Variants in PDE4A observed in about 807,000 individuals in gnomAD.
The protein encoded by PDE4A is phosphodiesterase 4A.
In PDE4A, 21 loss-of-function variants were observed where a neutral mutation model predicts 73.9. That is an observed-to-expected ratio of 0.28 (90% CI 0.20 to 0.41). PDE4A has a LOEUF of 0.41. PDE4A is among the 10% of genes least tolerant of loss of function. The pLI is 1.00. For synonymous variants in PDE4A, 463 were observed against 505.4 expected, an observed-to-expected ratio of 0.92 and a Z score of 1.13; for missense variants, 958 against 1,211.4, an observed-to-expected ratio of 0.79 and a Z score of 3.10.
At position 10,446,618 on chromosome 19, in the gene PDE4A, G is replaced by A. The variant is rs370817975; in HGVS notation, c.512+209G>A. Among the ~76,000 whole-genome samples the A allele has an allele frequency of 7.3e-5, 11 of 149,970 alleles. No individual in the cohort carries two copies. The East Asian group carries it at 7.8e-4, about 11-fold the overall frequency. On this transcript the variant is annotated intron_variant, in intron 2 of 14. Transcript: ENST00000380702. ...TTTTTCTTTTTTTCTTTTTTGAGAC[G>A]GAGTCTCGCTCTGTCGTCCAGGCTG...
At chr19:10,446,070 T>C (rs2042998928) in intron 1 of PDE4A, 148 bp from the exon 2 acceptor site, 3 of 1,249,782 alleles carry the variant, frequency 2.4e-6, no homozygotes, top group Non-Finnish European at 3.2e-6. Flanking sequence ...ACTCCTGACC[T>C]CAAGTGATTC....
At chr19:10,428,421 C>A (rs576449312) in intron 1 of PDE4A, among the ~76,000 whole-genome samples, 29 of 148,944 alleles carry the variant, frequency 1.9e-4, no homozygotes, top group Admixed American at 6.0e-4. Flanking sequence ...AGAGAGAGAT[C>A]ATAGCTAGAG....
chr19:10,436,905 G>A (rs564112770), intron 1 of PDE4A, among the ~76,000 whole-genome samples: 36 of 152,178 alleles, frequency 2.4e-4, no homozygotes, highest in African/African-American at 8.7e-4. Flanking sequence ...CAGGTGTAGT[G>A]GCGCACACCT....
chr19:10,459,529 T>A (rs1197178459), intron 9 of PDE4A, 31 bp downstream of exon 9: 1 of 1,611,458 alleles, frequency 6.2e-7, no homozygotes. Context: ...TGGGCCCGGG[T>A]GAGGGGCTCA....
chr19:10,450,763 G>A (rs1476092193), intron 5 of PDE4A, 66 bp from the exon 6 acceptor site: 1 of 1,578,374 alleles, frequency 6.3e-7, no homozygotes, highest in Non-Finnish European at 8.6e-7. Context: ...CGTCACGGCG[G>A]TCTGGAGCCT....
chr19:10,430,145 G>A (rs1385838119), intron 1 of PDE4A, among the ~76,000 whole-genome samples: 1 of 151,986 alleles, frequency 6.6e-6, no homozygotes, highest in African/African-American at 2.4e-5. Flanking sequence ...ACTGTGGTGG[G>A]GGTTCTGGGA....
At position 10,442,585 on chromosome 19, in the gene PDE4A, T is replaced by C. The variant is rs143943526; in HGVS notation, c.321-3633T>C. ...GACACGCTTTAGGCATAGCGTTTCA[T>C]GTCTGTAATCCCAGCACTGTGGGAG... On this transcript the variant is annotated intron_variant, in intron 1 of 14. Coordinates refer to ENST00000380702, the MANE Select transcript of PDE4A (RefSeq NM_001111307.2). 9.6e-3 allele frequency among the ~76,000 whole-genome samples: 1,459 copies of C among 151,992 alleles called. 24 individuals carry two copies. The highest frequency in any genetic ancestry group is 0.033 in the African/African-American group (1,374 of 41,488).
At chr19:10,462,620 C>A (rs1223567087) in intron 13 of PDE4A, among the ~76,000 whole-genome samples, 2 of 152,120 alleles carry the variant, frequency 1.3e-5, no homozygotes, top group Non-Finnish European at 2.9e-5. Flanking sequence ...CCACACCTGA[C>A]CTCTTTCTGT....
At chr19:10,432,078 A>AG (rs1280616767) in intron 1 of PDE4A, among the ~76,000 whole-genome samples, 1 of 132,542 alleles carries the variant, frequency 7.5e-6, no homozygotes, top group African/African-American at 2.9e-5. Flanking sequence ...CAGGGCGGGG[A>AG]GGGGGGAAAG....
Position 10,459,676 on chromosome 19 carries a change from G to T in PDE4A, c.1282G>T (p.Ala428Ser). 1 of 1,614,168 alleles carries T rather than the reference G, an allele frequency of 6.2e-7. No homozygotes were observed. The highest frequency in any genetic ancestry group is 8.5e-7 in the Non-Finnish European group (1 of 1,180,030). Reference protein sequence around the residue: ...YMLTLEDHYHADVAYHNSLHA... With the variant: ...YMLTLEDHYHSDVAYHNSLHA... ...GCTGACGCTGGAGGATCACTACCAC[G>T]CTGACGTGGCCTACCATAACAGCCT... Residue 428 changes from alanine to serine, a missense_variant, in exon 10 of 15, where the codon GCT becomes TCT. By Grantham distance (99) the Ala-to-Ser change is moderately conservative. Transcript: ENST00000380702.
chr19:10,430,392 T>C (rs2042771386), intron 1 of PDE4A, among the ~76,000 whole-genome samples: 3 of 151,776 alleles, frequency 2.0e-5, no homozygotes, highest in Non-Finnish European at 4.4e-5. Context: ...ACCTCTAAGT[T>C]GTGCTGAGAA....
In PDE4A at chr19:10,453,015, A is replaced by G; in HGVS notation, c.784-1814A>G. 1 of 1,308,336 alleles carries G rather than the reference A, an allele frequency of 7.6e-7. No homozygotes were observed. The highest frequency in any genetic ancestry group is 9.7e-7 in the Non-Finnish European group (1 of 1,027,568). 81.0% of individuals were successfully genotyped at this position (1,308,336 alleles called of 1,614,324 possible). ...CCCCTCCCATGGGCACGGACCCCCC[A>G]CCGCCTCCACCCACTGCCGCGGGGG... is the stretch of plus-strand genomic sequence containing the variant. On this transcript the variant is annotated intron_variant, in intron 6 of 14. Coordinates refer to ENST00000380702, the MANE Select transcript of PDE4A (RefSeq NM_001111307.2). This position sits in a 1 kb window ranked among gnomAD's most constrained non-coding sequence, Gnocchi z 4.6.
At position 10,428,388 on chromosome 19, in the gene PDE4A, GAGAGAT is replaced by G. The variant is rs2042745113; in HGVS notation, c.320+7306_320+7311del. Among the ~76,000 whole-genome samples the G allele has an allele frequency of 1.0e-4, 14 of 138,034 alleles. No homozygotes were observed. The South Asian group carries it at 1.5e-3, about 15-fold the overall frequency. 90.6% of individuals were successfully genotyped at this position (138,034 alleles called of 152,430 possible). A position where few individuals can be genotyped will look rare whatever the true frequency, so the allele number is the denominator to read the frequency against. On this transcript the variant is annotated intron_variant, in intron 1 of 14. Transcript: ENST00000380702. Reference sequence around the variant, plus strand: ...AGAGAGAGAGAGAGAGAGAGAGAGAGAGAGATATTGAGAGAGAGAGAGAGAGAGAGA... The same window carrying G: ...AGAGAGAGAGAGAGAGAGAGAGAGAGATTGAGAGAGAGAGAGAGAGAGAGA...
intron 1 of PDE4A, among the ~76,000 whole-genome samples, chr19:10,434,453 C>A (rs1306144173): frequency 6.6e-6 from 1 of 152,064 alleles, no homozygotes; most frequent in Non-Finnish European, 1.5e-5. Flanking sequence ...AGTGATCCAT[C>A]CACCTTGGCC....
Position 10,461,112 on chromosome 19 carries a change from C to T in PDE4A, c.1465+9C>T, listed in dbSNP as rs1300039881. 1.9e-6 allele frequency: 3 copies of T among 1,605,628 alleles called. No homozygotes were observed. Among genetic ancestry groups the T allele is most frequent in the Non-Finnish European group, 2.6e-6 (3 of 1,173,432 alleles). ...GTTCCTCATCAACACCAGTGAGTGG[C>T]CCTCGCCAGGGGCGGGGTTTGCTGA... is the stretch of plus-strand genomic sequence containing the variant. On this transcript the variant is annotated intron_variant, in intron 11 of 14. Transcript: ENST00000380702.
At chr19:10,416,797 G>A, upstream of PDE4A, 2 of 1,518,878 alleles carry the variant, frequency 1.3e-6, no homozygotes, top group Non-Finnish European at 8.8e-7. Flanking sequence ...AGAGGCAATA[G>A]GCAAGTGGCG....
At chr19:10,418,021 C>T (rs2145433851), upstream of PDE4A, among the ~76,000 whole-genome samples, 1 of 152,294 alleles carries the variant, frequency 6.6e-6, no homozygotes, top group Non-Finnish European at 1.5e-5. Context: ...ACCCCTACCC[C>T]AAGGCACCCT....
intron 1 of PDE4A, among the ~76,000 whole-genome samples, chr19:10,442,086 T>C (rs901060181): frequency 2.0e-5 from 3 of 152,104 alleles, no homozygotes; most frequent in African/African-American, 7.2e-5. Flanking sequence ...TCTCTGGGGT[T>C]AGACTAGTAG....
intron 14 of PDE4A, among the ~76,000 whole-genome samples, chr19:10,465,699 T>TTTTTTTTTTTTG (rs2043356628): frequency 8.2e-6 from 1 of 121,754 alleles, no homozygotes; most frequent in Non-Finnish European, 1.7e-5. Context: ...TTTTTTTTTT[T>TTTTTTTTTTTTG]TTTTTTTTTT....
Sources: allele counts gnomAD v4.1 joint callset (sites outside exome capture counted in the v4.1 genomes callset), GRCh38; gene constraint gnomAD v4.1.1; non-coding constraint Gnocchi (gnomAD v3.1); transcripts MANE v1.5; gene names NCBI Gene and HGNC (gene_info 2026-07-23, HGNC 2026-07-21).